The following WDR64 variants were observed in gnomAD, a reference collection of about 807,000 sequenced individuals.
WDR64 encodes WD repeat-containing protein 64.
WDR64 carries 112 observed loss-of-function variants against 139.3 expected under a neutral mutation model. The observed-to-expected ratio is 0.80, with a 90% CI of 0.69 to 0.94. The LOEUF is 0.94. Among genes scored for constraint, WDR64 ranks in the 40% least tolerant of loss-of-function variants. WDR64 has a pLI of 0.00. For synonymous variants in WDR64, 444 were observed against 437.7 expected, an observed-to-expected ratio of 1.01 and a Z score of -0.18; for missense variants, 1,206 against 1,293.1, an observed-to-expected ratio of 0.93 and a Z score of 1.03.
chr1:241,778,380 T>C (rs1658736633), intron 21 of WDR64, among the ~76,000 whole-genome samples: 1 of 152,220 alleles, frequency 6.6e-6, no homozygotes, highest in African/African-American at 2.4e-5. Flanking sequence ...GCTTTTAATC[T>C]ATATGTATCT....
Position 241,673,634 on chromosome 1 carries a change from T to C in WDR64, c.380-1010T>C, listed in dbSNP as rs193042889. On this transcript the variant is annotated intron_variant, in intron 3 of 27. Coordinates refer to ENST00000437684, the MANE Select transcript of WDR64 (RefSeq NM_001367482.1). The stretch of plus-strand genomic sequence containing the variant: ...CCTCCAAGAACTAATTTGTACCCCT[T>C]TGGGGGGCAATATCTTCTCTGTTGA... Among the ~76,000 whole-genome samples, 3 of 152,326 alleles carry C rather than the reference T, an allele frequency of 2.0e-5. No individual in the cohort carries two copies. The East Asian group carries it at 5.8e-4, about 29-fold the overall frequency.
intron 8 of WDR64, among the ~76,000 whole-genome samples, chr1:241,692,677 C>G (rs2148128104): frequency 6.6e-6 from 1 of 152,242 alleles, no homozygotes; most frequent in South Asian, 2.1e-4. Flanking sequence ...AAAGACATAT[C>G]TGATAAAGGA....
chr1:241,757,535 GA>G (rs1670245626), intron 15 of WDR64, 76 bp downstream of exon 15: 3 of 1,350,816 alleles, frequency 2.2e-6, no homozygotes, highest in Non-Finnish European at 3.0e-6. Flanking sequence ...TAAAGGTACA[GA>G]AAATAATACA....
In WDR64 at chr1:241,752,179, T is replaced by G. The variant is rs530184987; in HGVS notation, c.1770+2457T>G. 1.1e-4 allele frequency among the ~76,000 whole-genome samples: 17 copies of G among 152,314 alleles called. No individual in the cohort carries two copies. The East Asian group carries it at 3.1e-3, about 28-fold the overall frequency. ...ATTAACATAATAATGCTCTTAGCAT[T>G]ATATGAACTGCTGTTTTCCTAATCA... On this transcript the variant is annotated intron_variant, in intron 14 of 27. Coordinates refer to ENST00000437684, the MANE Select transcript of WDR64 (RefSeq NM_001367482.1).
At chr1:241,688,352 C>T (rs917230098) in intron 8 of WDR64, among the ~76,000 whole-genome samples, 2 of 152,134 alleles carry the variant, frequency 1.3e-5, no homozygotes, top group African/African-American at 4.8e-5. Flanking sequence ...ATTGTGGCGA[C>T]TGTTGATTGT....
intron 8 of WDR64, among the ~76,000 whole-genome samples, chr1:241,691,338 A>T (rs1362398190): frequency 6.6e-6 from 1 of 152,216 alleles, no homozygotes; most frequent in Non-Finnish European, 1.5e-5. Flanking sequence ...TTTAAAAGTC[A>T]ATGGTCTAAA....
At chr1:241,787,761 G>A (rs1481083584) in intron 23 of WDR64, 88 bp from the exon 24 acceptor site, 5 of 1,167,250 alleles carry the variant, frequency 4.3e-6, no homozygotes, top group East Asian at 5.2e-5. Context: ...ATGGACCAGC[G>A]CTAATTTACA....
chr1:241,784,887 G>A (rs1574095343), intron 23 of WDR64, among the ~76,000 whole-genome samples: 1 of 143,596 alleles, frequency 7.0e-6, no homozygotes, highest in South Asian at 2.3e-4. Context: ...CTGGGAGGCG[G>A]AGATTGTAGT....
intron 27 of WDR64, among the ~76,000 whole-genome samples, chr1:241,796,769 C>T (rs1180015142): frequency 6.6e-6 from 1 of 152,186 alleles, no homozygotes; most frequent in African/African-American, 2.4e-5. Flanking sequence ...GTTAGGATTA[C>T]AGGCATAAGC....
At chr1:241,777,265 TCTTA>T (rs1356032199) in intron 21 of WDR64, among the ~76,000 whole-genome samples, 2 of 151,742 alleles carry the variant, frequency 1.3e-5, no homozygotes, top group Non-Finnish European at 2.9e-5. Flanking sequence ...TAGAGACAGG[TCTTA>T]CTTCTTTTTC....
rs1665587566 is a variant in WDR64 at position 241,656,155 on chromosome 1, G to A, written c.145+3526G>A. On this transcript the variant is annotated intron_variant, in intron 1 of 27. Coordinates refer to ENST00000437684, the MANE Select transcript of WDR64 (RefSeq NM_001367482.1). The surrounding 1 kb of genome is among the most constrained non-coding windows in gnomAD (Gnocchi z 4.3). ...CTATCACGGGGCGGCCTAAGAAAGAGTGAGGAGAAGGCAGAAATGTCATCT... is the reference window on the plus strand; with the variant it reads ...CTATCACGGGGCGGCCTAAGAAAGAATGAGGAGAAGGCAGAAATGTCATCT... Among the ~76,000 whole-genome samples the A allele has an allele frequency of 6.6e-6, 1 of 152,226 alleles. No individual in the cohort carries two copies. Among genetic ancestry groups the A allele is most frequent in the African/African-American group, 2.4e-5 (1 of 41,468 alleles).
chr1:241,666,712 T>C (rs1666037176), intron 2 of WDR64, among the ~76,000 whole-genome samples: 1 of 152,236 alleles, frequency 6.6e-6, no homozygotes. Flanking sequence ...AATGTTGACA[T>C]TGATTGAGCT....
intron 8 of WDR64, among the ~76,000 whole-genome samples, chr1:241,710,237 T>C (rs1668107388): frequency 6.6e-6 from 1 of 152,058 alleles, no homozygotes; most frequent in South Asian, 2.1e-4. Context: ...ATAACCCTGT[T>C]TCTTCCTGTT....
intron 8 of WDR64, among the ~76,000 whole-genome samples, chr1:241,707,201 T>C (rs1331351909): frequency 6.6e-6 from 1 of 152,192 alleles, no homozygotes; most frequent in African/African-American, 2.4e-5. Context: ...GATGTATCTA[T>C]CCCCTAGGGC....
chr1:241,663,382 G>T (rs528956279), intron 2 of WDR64, among the ~76,000 whole-genome samples: 18 of 152,226 alleles, frequency 1.2e-4, no homozygotes, highest in African/African-American at 4.3e-4. Flanking sequence ...TGGGCACCCC[G>T]GCCCACATGT....
chr1:241,710,418 A>G (rs2148170442), intron 8 of WDR64, among the ~76,000 whole-genome samples: 1 of 152,164 alleles, frequency 6.6e-6, no homozygotes, highest in South Asian at 2.1e-4. Context: ...TAACCATGGC[A>G]CAATACCATT....
chr1:241,690,182 A>C (rs1667160550), intron 8 of WDR64, among the ~76,000 whole-genome samples: 1 of 152,134 alleles, frequency 6.6e-6, no homozygotes, highest in Non-Finnish European at 1.5e-5. Flanking sequence ...AAACATAAAG[A>C]AAAAAACTGG....
chr1:241,728,923 TTGGAAG>T (rs1301785289), intron 10 of WDR64, among the ~76,000 whole-genome samples: 1 of 152,160 alleles, frequency 6.6e-6, no homozygotes, highest in Non-Finnish European at 1.5e-5. Flanking sequence ...CATTTTCACT[TTGGAAG>T]TGGTATGTAG....
At chr1:241,756,745 T>G (rs1670206209) in intron 14 of WDR64, among the ~76,000 whole-genome samples, 2 of 152,162 alleles carry the variant, frequency 1.3e-5, no homozygotes, top group Admixed American at 1.3e-4. Context: ...TTAGGTCATT[T>G]TACCCCAGAT....
Sources: allele counts gnomAD v4.1 joint callset (sites outside exome capture counted in the v4.1 genomes callset), GRCh38; gene constraint gnomAD v4.1.1; non-coding constraint Gnocchi (gnomAD v3.1); transcripts MANE v1.5; gene names NCBI Gene and HGNC (gene_info 2026-07-23, HGNC 2026-07-21).